XPO5: variants seen among roughly 807,000 people sequenced by gnomAD.
XPO5 encodes the protein exportin 5, also known as exportin-5.
A neutral mutation model predicts 160.6 loss-of-function variants in XPO5; 46 were observed. The ratio of observed to expected loss-of-function variants is 0.29; its 90% CI spans 0.23 to 0.37. The LOEUF (loss-of-function observed/expected upper bound fraction) is 0.37. Among genes scored for constraint, XPO5 ranks in the 10% least tolerant of loss-of-function variants. XPO5 has a pLI of 1.00. For synonymous variants in XPO5, 537 were observed against 519.3 expected (o/e 1.03, Z -0.46); for missense variants, 1,090 against 1,463.9 (o/e 0.74, Z 4.17).
In XPO5 at chr6:43,573,618, T is replaced by C; in HGVS notation, c.106-17A>G. The stretch of plus-strand genomic sequence containing the variant: ...CTCACAAAACTGAAAGAAGAAAAGT[T>C]AGTGTTTCCTTTCGAGGGCTGAGAG... On this transcript the variant is annotated splice_polypyrimidine_tract_variant and intron_variant, in intron 1 of 31. Coordinates refer to ENST00000265351, the MANE Select transcript of XPO5 (RefSeq NM_020750.3). The C allele has an allele frequency of 6.2e-7, 1 of 1,608,100 alleles. No homozygotes were observed. The highest frequency in any genetic ancestry group is 1.3e-5 in the African/African-American group (1 of 74,776).
rs1346362021 is a variant in XPO5 at position 43,548,444 on chromosome 6, A to T, written c.1877T>A (p.Leu626His). 1.3e-6 allele frequency: 2 copies of T among 1,574,520 alleles called. No homozygotes were observed. The highest frequency in any genetic ancestry group is 1.7e-6 in the Non-Finnish European group (2 of 1,156,002). ...PQLVLPNFDMLYNHVKQLLSN... is the reference protein window; with the variant it reads ...PQLVLPNFDMHYNHVKQLLSN... ...GAGGAGTTGCTTCACATGGTTATAAAGCATGTCAAAATTGGGCTACAGATC... is the reference window on the plus strand; with the variant it reads ...GAGGAGTTGCTTCACATGGTTATAATGCATGTCAAAATTGGGCTACAGATC... Residue 626 changes from leucine (L) to histidine (H), a missense_variant, in exon 18 of 32, where the codon CTT becomes CAT. By Grantham distance (99) the Leu-to-His change is moderately conservative. Transcript: ENST00000265351.
At chr6:43,541,093 A>G (rs1794667212) in intron 20 of XPO5, among the ~76,000 whole-genome samples, 1 of 152,138 alleles carries the variant, frequency 6.6e-6, no homozygotes, top group Non-Finnish European at 1.5e-5. Flanking sequence ...GATGGTTAGC[A>G]GAGGGGCTGG....
chr6:43,558,095 C>CA (rs112872524), intron 12 of XPO5, among the ~76,000 whole-genome samples: 14,876 of 133,782 alleles, frequency 0.11, 1,513 homozygotes, highest in African/African-American at 0.28. Flanking sequence ...AACTCCATCT[C>CA]AAAAAAAAAA....
intron 14 of XPO5, among the ~76,000 whole-genome samples, chr6:43,553,056 G>A (rs946608346): frequency 8.5e-5 from 13 of 152,148 alleles, no homozygotes; most frequent in Admixed American, 2.0e-4. Context: ...GGTCATGCCC[G>A]CAATCTCAGC....
At chr6:43,562,168 A>ACC in intron 9 of XPO5, 79 bp downstream of exon 9, 1 of 1,137,744 alleles carries the variant, frequency 8.8e-7, no homozygotes, top group Non-Finnish European at 1.3e-6. Context: ...GACATTTGCA[A>ACC]CCCCTCATTG....
At chr6:43,547,501 G>A (rs767272518) in intron 19 of XPO5, 107 bp downstream of exon 19, 28 of 983,014 alleles carry the variant, frequency 2.8e-5, no homozygotes, top group Admixed American at 1.0e-4. Flanking sequence ...AGACTCCCAC[G>A]TTTCTCACCA....
At chr6:43,541,894 C>A (rs1794715446) in intron 20 of XPO5, among the ~76,000 whole-genome samples, 1 of 152,152 alleles carries the variant, frequency 6.6e-6, no homozygotes, top group African/African-American at 2.4e-5. Context: ...TCTCTTGCAT[C>A]AACCTTTTGA....
chr6:43,574,808 G>A lies in XPO5; in HGVS notation c.105+952C>T, dbSNP rs951855022. Among the ~76,000 whole-genome samples, 19 of 152,248 alleles carry A rather than the reference G, an allele frequency of 1.2e-4. 1 individual carries two copies. Among genetic ancestry groups the A allele is most frequent in the Admixed American group, 5.9e-4 (9 of 15,296 alleles). Reference sequence around the variant, plus strand: ...ACTGTCGTATTCTCTCCACTTTTGTGTCTATTTTAAATATTAATAATAAAA... The same window carrying A: ...ACTGTCGTATTCTCTCCACTTTTGTATCTATTTTAAATATTAATAATAAAA... On this transcript the variant is annotated intron_variant, in intron 1 of 31. Coordinates refer to ENST00000265351, the MANE Select transcript of XPO5 (RefSeq NM_020750.3).
At chr6:43,529,183 TA>T in intron 23 of XPO5, 7 of 1,465,356 alleles carry the variant, frequency 4.8e-6, no homozygotes, top group South Asian at 1.1e-5. Context: ...AAAGTAGGAA[TA>T]AAAAAATAGG....
intron 20 of XPO5, among the ~76,000 whole-genome samples, chr6:43,537,793 A>G (rs1415751831): frequency 2.0e-5 from 3 of 152,188 alleles, no homozygotes; most frequent in African/African-American, 4.8e-5. Flanking sequence ...AGGGCCAGGC[A>G]TGGTAGCTCA....
At chr6:43,539,706 G>A in intron 20 of XPO5, 2 of 699,350 alleles carry the variant, frequency 2.9e-6, no homozygotes, top group East Asian at 5.5e-5. Flanking sequence ...TCCGCCATTT[G>A]GTGTTTTCTC....
Position 43,551,417 on chromosome 6 carries a change from T to C in XPO5, c.1609A>G (p.Met537Val). The change falls in exon 15 of 32, where the codon ATG becomes GTG. Residue 537 changes from methionine (M) to valine (V), a missense_variant. Physicochemically the swap from Met to Val is conservative, Grantham distance 21 (BLOSUM62 1). Around this residue, in one of 3 missense-constraint regions of XPO5, gnomAD observed 810 missense variants for 1,139.0 expected, o/e 0.71. Transcript: ENST00000265351. ...PVNDGIELLQ[M>V]VLNFDTKDPL... ...TCCTTGGTATCAAAGTTCAGAACCATCTGCAATAGCTCTATTCCATCATTA... is the reference window on the plus strand; with the variant it reads ...TCCTTGGTATCAAAGTTCAGAACCACCTGCAATAGCTCTATTCCATCATTA... 3 of 1,613,970 alleles carry C rather than the reference T, an allele frequency of 1.9e-6. No individual in the cohort carries two copies. Among genetic ancestry groups the C allele is most frequent in the Non-Finnish European group, 2.5e-6 (3 of 1,179,870 alleles).
At chr6:43,564,868 T>G (rs558413959) in intron 8 of XPO5, among the ~76,000 whole-genome samples, 1 of 152,046 alleles carries the variant, frequency 6.6e-6, no homozygotes, top group South Asian at 2.1e-4. Context: ...CCTCCCCAGG[T>G]GCTGAGGTTA....
chr6:43,535,359 G>A (rs1429354942), intron 20 of XPO5, among the ~76,000 whole-genome samples: 1 of 152,060 alleles, frequency 6.6e-6, no homozygotes, highest in Non-Finnish European at 1.5e-5. Context: ...GGAGGCCGAG[G>A]TGGGTGGATC....
Position 43,548,475 on chromosome 6 carries a change from G to C in XPO5, c.1861-15C>G. 7 of 1,509,992 alleles carry C rather than the reference G, an allele frequency of 4.6e-6. No individual in the cohort carries two copies. The highest frequency in any genetic ancestry group is 5.3e-6 in the Non-Finnish European group (6 of 1,121,710). The allele number at this position is 1,509,992 out of a possible 1,614,324, so 93.5% of individuals were successfully genotyped here. ...TCAAAATTGGGCTACAGATCAAAAA[G>C]AAAAAAAGCCAGAGGTGGTAAAGGT... On this transcript the variant is annotated splice_polypyrimidine_tract_variant and intron_variant, in intron 17 of 31. Coordinates refer to ENST00000265351, the MANE Select transcript of XPO5 (RefSeq NM_020750.3).
In XPO5 at chr6:43,548,184, C is replaced by A. The variant is rs971365808; in HGVS notation, c.2060+77G>T. The A allele has an allele frequency of 4.8e-5, 68 of 1,416,130 alleles. No individual in the cohort carries two copies. In the Admixed American group the frequency reaches 1.5e-3, roughly 32 times the overall value. 87.7% of individuals were successfully genotyped at this position (1,416,130 alleles called of 1,614,324 possible). ...CACACTTCAATATCCTTAACCCCTA[C>A]CCCACCCTGGGCCTAGCTCTTAAAC... is the stretch of plus-strand genomic sequence containing the variant. On this transcript the variant is annotated intron_variant, in intron 18 of 31. Transcript: ENST00000265351.
intron 24 of XPO5, among the ~76,000 whole-genome samples, chr6:43,528,603 A>T (rs1793747260): frequency 6.6e-6 from 1 of 152,104 alleles, no homozygotes; most frequent in Non-Finnish European, 1.5e-5. Context: ...GGAGGTTAGG[A>T]GCAGAATCTG....
At chr6:43,536,893 T>C (rs778856117) in intron 20 of XPO5, among the ~76,000 whole-genome samples, 2 of 150,952 alleles carry the variant, frequency 1.3e-5, no homozygotes, top group Non-Finnish European at 2.9e-5. Context: ...ACAGACAATA[T>C]GGTGTCTGTC....
rs550555910 is a variant in XPO5 at position 43,565,068 on chromosome 6, G to A, written c.911+592C>T. ...CTCCTGAGTAGCTGGGATTACAGGC[G>A]TGCGCCACCAGGTCTGGCTAATTTT... On this transcript the variant is annotated intron_variant, in intron 8 of 31. Coordinates refer to ENST00000265351, the MANE Select transcript of XPO5 (RefSeq NM_020750.3). 1.8e-4 allele frequency among the ~76,000 whole-genome samples: 27 copies of A among 151,928 alleles called. No homozygotes were observed. In the South Asian group the frequency reaches 2.9e-3, roughly 16 times the overall value.
Sources: gnomAD v4.1 joint callset for allele counts (sites outside exome capture counted in the v4.1 genomes callset) on GRCh38, gnomAD v4.1.1 for gene constraint, gnomAD v4.1.1 regional missense constraint, MANE v1.5 for transcripts, NCBI Gene and HGNC (gene_info 2026-07-23, HGNC 2026-07-21) for gene names.